Variants in FAM222B observed in about 807,000 individuals in gnomAD.
FAM222B encodes protein FAM222B.
FAM222B carries 12 observed loss-of-function variants against 38.0 expected under a neutral mutation model. The ratio of observed to expected loss-of-function variants is 0.32; its 90% CI spans 0.20 to 0.51. The LOEUF (loss-of-function observed/expected upper bound fraction) is 0.51, where lower values mean the gene tolerates loss of function less well. FAM222B is among the 20% of genes least tolerant of loss of function. The probability of loss-of-function intolerance (pLI) is 0.97; values close to 1 mark genes in which losing one functional copy is unlikely to be tolerated. For missense variants in FAM222B, 716 were observed against 754.2 expected (o/e 0.95, Z 0.59); for synonymous variants, 329 against 317.2 (o/e 1.04, Z -0.40).
intron 1 of FAM222B, among the ~76,000 whole-genome samples, chr17:28,823,411 A>G (rs1044757347): frequency 8.7e-5 from 13 of 149,454 alleles, no homozygotes; most frequent in Non-Finnish European, 1.6e-4. Context: ...CATGGAGTGC[A>G]GTGGTGCAAT....
chr17:28,842,467 A>G (rs1216560305), intron 1 of FAM222B, among the ~76,000 whole-genome samples: 2 of 152,126 alleles, frequency 1.3e-5, no homozygotes, highest in Non-Finnish European at 2.9e-5. Flanking sequence ...TTCACTCCAC[A>G]GCACGCAACC....
chr17:28,819,772 G>A (rs2038148786), intron 1 of FAM222B, among the ~76,000 whole-genome samples: 1 of 152,026 alleles, frequency 6.6e-6, no homozygotes, highest in Non-Finnish European at 1.5e-5. Context: ...CAAATAACAG[G>A]GAGTCTTACT....
Position 28,842,734 on chromosome 17 carries a change from G to C in FAM222B, c.-93C>G. 1 of 154,464 alleles carries C rather than the reference G, an allele frequency of 6.5e-6. No homozygotes were observed. Among genetic ancestry groups the C allele is most frequent in the Non-Finnish European group, 1.4e-5 (1 of 69,362 alleles). The allele number at this position is 154,464 out of a possible 1,614,324, so 9.6% of individuals were successfully genotyped here. On this transcript the variant is annotated 5_prime_UTR_variant, in exon 1 of 3. Coordinates refer to ENST00000581407, the MANE Select transcript of FAM222B (RefSeq NM_001077498.3). The stretch of plus-strand genomic sequence containing the variant: ...GCTGCTCCTTTGCCGCCCGCCGCCC[G>C]CCGCCACCACTTCTCCACTGCCCGG...
At chr17:28,841,903 A>C (rs960647074) in intron 1 of FAM222B, among the ~76,000 whole-genome samples, 2 of 152,202 alleles carry the variant, frequency 1.3e-5, no homozygotes, top group East Asian at 3.9e-4. Flanking sequence ...GCCCATAAAG[A>C]AAGCACATAT....
At chr17:28,813,867 CTG>C (rs905005921) in intron 1 of FAM222B, among the ~76,000 whole-genome samples, 2 of 151,588 alleles carry the variant, frequency 1.3e-5, no homozygotes, top group East Asian at 2.0e-4. Context: ...ATTTTAAACA[CTG>C]TGGTATATTT....
At chr17:28,766,475 A>G (rs571308879) in intron 2 of FAM222B, 111 bp downstream of exon 2, 65 of 788,960 alleles carry the variant, frequency 8.2e-5, no homozygotes, top group South Asian at 4.9e-4. Context: ...AAAAAAAAAG[A>G]AAGGTGTCAA....
At position 28,766,661 on chromosome 17, in the gene FAM222B, C is replaced by T. The variant is rs908117978; in HGVS notation, c.7G>A (p.Ala3Thr). 1.2e-6 allele frequency: 2 copies of T among 1,602,690 alleles called. No individual in the cohort carries two copies. Among genetic ancestry groups the T allele is most frequent in the African/African-American group, 1.3e-5 (1 of 74,796 alleles). Reference sequence around the variant, plus strand: ...AGGTCACCTGGCCCTGGTAGACAGGCTAGCATGGCAGATTGGCATCAACAC... The same window carrying T: ...AGGTCACCTGGCCCTGGTAGACAGGTTAGCATGGCAGATTGGCATCAACAC... The part of the protein sequence containing the change: ML[A>T]CLPGPGDLSF... Residue 3 changes from alanine (A) to threonine (T), a missense_variant, in exon 2 of 3, where the codon GCC becomes ACC. Transcript: ENST00000581407.
At chr17:28,779,595 C>CA (rs1352478199) in intron 1 of FAM222B, among the ~76,000 whole-genome samples, 1 of 151,590 alleles carries the variant, frequency 6.6e-6, no homozygotes, top group Admixed American at 6.6e-5. Context: ...ACTAAAAATA[C>CA]AAAAAATTAG....
chr17:28,842,874 G>C (rs1044895922), upstream of FAM222B: 1 of 152,546 alleles, frequency 6.6e-6, no homozygotes, highest in Admixed American at 6.5e-5. Context: ...CCTGCCGGGG[G>C]CGTCTTCCTC....
At chr17:28,801,451 CAAAAAA>C (rs766189732) in intron 1 of FAM222B, among the ~76,000 whole-genome samples, 1 of 90,326 alleles carries the variant, frequency 1.1e-5, no homozygotes, top group African/African-American at 4.3e-5. Context: ...GACTCCGTCT[CAAAAAA>C]AAAAAAAAAA....
chr17:28,760,635 T>C (rs1207026858), intron 2 of FAM222B, among the ~76,000 whole-genome samples: 1 of 150,982 alleles, frequency 6.6e-6, no homozygotes, highest in Non-Finnish European at 1.5e-5. Flanking sequence ...TACCAGCCCA[T>C]GTGGCTTGGG....
chr17:28,807,629 G>A (rs986413227), intron 1 of FAM222B, among the ~76,000 whole-genome samples: 1 of 152,116 alleles, frequency 6.6e-6, no homozygotes, highest in Non-Finnish European at 1.5e-5. Context: ...CAAGTGATCC[G>A]TCCGCCTCAG....
In FAM222B at chr17:28,842,730, G is replaced by A. The variant is rs1464854251; in HGVS notation, c.-89C>T. On this transcript the variant is annotated 5_prime_UTR_variant, in exon 1 of 3. Coordinates refer to ENST00000581407, the MANE Select transcript of FAM222B (RefSeq NM_001077498.3). ...CATGGCTGCTCCTTTGCCGCCCGCC[G>A]CCCGCCGCCACCACTTCTCCACTGC... The A allele has an allele frequency of 1.3e-5, 2 of 154,430 alleles. No individual in the cohort carries two copies. Among genetic ancestry groups the A allele is most frequent in the Non-Finnish European group, 2.9e-5 (2 of 69,420 alleles). 9.6% of individuals were successfully genotyped at this position (154,430 alleles called of 1,614,324 possible). A position where few individuals can be genotyped will look rare whatever the true frequency, so the allele number is the denominator to read the frequency against.
rs182261745 is a variant in FAM222B, at chr17:28,792,688, C to T, written c.-40-25981G>A. On this transcript the variant is annotated intron_variant, in intron 1 of 2. Transcript: ENST00000581407. ...CCCAGTTACTTGGGGGGCCAAGGCACGAGAACTGCTTGAACCCAGGAGGTG... is the reference window on the plus strand; with the variant it reads ...CCCAGTTACTTGGGGGGCCAAGGCATGAGAACTGCTTGAACCCAGGAGGTG... Among the ~76,000 whole-genome samples, 419 of 148,654 alleles carry T rather than the reference C, an allele frequency of 2.8e-3. 1 individual carries two copies. Among genetic ancestry groups the T allele is most frequent in the Non-Finnish European group, 4.9e-3 (331 of 67,482 alleles).
At position 28,792,255 on chromosome 17, in the gene FAM222B, TGAGCC is replaced by T. The variant is rs574086798; in HGVS notation, c.-40-25553_-40-25549del. Reference sequence around the variant, plus strand: ...TGAACCTGGGAGGCGGAGCTTGCAGTGAGCCGAGATTGCGCCACTGCACTCCTGCC... The same window carrying T: ...TGAACCTGGGAGGCGGAGCTTGCAGTGAGATTGCGCCACTGCACTCCTGCC... On this transcript the variant is annotated intron_variant, in intron 1 of 2. Transcript: ENST00000581407. 5.2e-3 allele frequency among the ~76,000 whole-genome samples: 753 copies of T among 145,440 alleles called. 6 individuals carry two copies. Among genetic ancestry groups the T allele is most frequent in the Admixed American group, 8.0e-3 (110 of 13,760 alleles).
At chr17:28,814,551 C>A (rs1243895260) in intron 1 of FAM222B, among the ~76,000 whole-genome samples, 2 of 152,040 alleles carry the variant, frequency 1.3e-5, no homozygotes, top group African/African-American at 4.8e-5. Context: ...CTCACTGCAA[C>A]CTCCGCCTCC....
chr17:28,798,828 A>T (rs1464046543), intron 1 of FAM222B, among the ~76,000 whole-genome samples: 1 of 151,998 alleles, frequency 6.6e-6, no homozygotes, highest in Non-Finnish European at 1.5e-5. Flanking sequence ...CGTGTTAGCC[A>T]GGATAGTCTC....
chr17:28,782,314 C>T (rs1290486464), intron 1 of FAM222B, among the ~76,000 whole-genome samples: 1 of 151,656 alleles, frequency 6.6e-6, no homozygotes, highest in African/African-American at 2.4e-5. Flanking sequence ...ACAGTGAGAC[C>T]CTGTCTTAAA....
intron 1 of FAM222B, among the ~76,000 whole-genome samples, chr17:28,822,838 T>C (rs372532677): frequency 3.6e-5 from 2 of 55,196 alleles, no homozygotes; most frequent in Non-Finnish European, 5.9e-5. Context: ...AAAAAATATA[T>C]ATATATATAT....
Sources: gnomAD v4.1 joint callset for allele counts (sites outside exome capture counted in the v4.1 genomes callset) on GRCh38, gnomAD v4.1.1 for gene constraint, MANE v1.5 for transcripts, NCBI Gene and HGNC (gene_info 2026-07-23, HGNC 2026-07-21) for gene names.